ITGA2: variants seen among roughly 807,000 people sequenced by gnomAD.
ITGA2 encodes integrin subunit alpha 2, also known as integrin alpha-2.
A neutral mutation model predicts 146.3 loss-of-function variants in ITGA2; 101 were observed. The observed-to-expected ratio is 0.69, with a 90% CI of 0.59 to 0.81. ITGA2 has a LOEUF of 0.81. Ranked by LOEUF, ITGA2 falls within the 40% of genes least tolerant of loss-of-function variation. ITGA2 has a pLI of 0.00. For synonymous variants in ITGA2, 477 were observed against 487.1 expected (o/e 0.98, Z 0.27); for missense variants, 1,281 against 1,402.7 (o/e 0.91, Z 1.39).
intron 6 of ITGA2, 101 bp from the exon 7 acceptor site, chr5:53,051,310 G>A (rs988699158): frequency 6.5e-6 from 8 of 1,223,870 alleles, no homozygotes; most frequent in African/African-American, 3.0e-5. Context: ...TAAAGCTACC[G>A]GCCCATGTCT....
chr5:53,071,972 G>T lies in ITGA2; in HGVS notation c.2270G>T (p.Arg757Leu). 4.3e-6 allele frequency: 7 copies of T among 1,612,336 alleles called. No individual in the cohort carries two copies. The highest frequency in any genetic ancestry group is 5.9e-6 in the Non-Finnish European group (7 of 1,178,912). Residue 757 changes from arginine (R) to leucine (L), a missense_variant, in exon 18 of 30, where the codon CGT becomes CTT. By Grantham distance (102) the Arg-to-Leu change is moderately radical. Around this residue, in one of 3 missense-constraint regions of ITGA2, gnomAD observed 475 missense variants for 530.5 expected, o/e 0.90. Coordinates refer to ENST00000296585, the MANE Select transcript of ITGA2 (RefSeq NM_002203.4). ...PSDVVNSLDLRVDISLENPGT... is the reference protein window; with the variant it reads ...PSDVVNSLDLLVDISLENPGT... ...GATGTTGTCAACTCTTTGGATTTGC[G>T]TGTGGACATCAGTCTGGAAAACCCT...
At chr5:53,036,476 CT>C (rs1406857268) in intron 2 of ITGA2, among the ~76,000 whole-genome samples, 1 of 152,200 alleles carries the variant, frequency 6.6e-6, no homozygotes, top group Non-Finnish European at 1.5e-5. Context: ...AGCCACAGGG[CT>C]TTTGCATTTG....
intron 17 of ITGA2, 90 bp downstream of exon 17, chr5:53,070,350 A>G (rs1472006001): frequency 7.9e-7 from 1 of 1,265,418 alleles, no homozygotes; most frequent in Non-Finnish European, 1.2e-6. Context: ...ATGAGTTAGA[A>G]AATGCTCACC....
At chr5:53,057,952 G>A (rs1043979510) in intron 9 of ITGA2, 73 bp from the exon 10 acceptor site, 26 of 1,043,738 alleles carry the variant, frequency 2.5e-5, no homozygotes, top group South Asian at 7.6e-5. Flanking sequence ...GTGTACATAC[G>A]TGCCTGCTTG....
Position 53,093,900 on chromosome 5 carries a change from A to T in ITGA2, c.*3301A>T, listed in dbSNP as rs539623752. The T allele has an allele frequency of 2.6e-4, 39 of 152,784 alleles. No individual in the cohort carries two copies. Among genetic ancestry groups the T allele is most frequent in the African/African-American group, 9.1e-4 (38 of 41,600 alleles). 9.5% of individuals were successfully genotyped at this position (152,784 alleles called of 1,614,324 possible). A position where few individuals can be genotyped will look rare whatever the true frequency, so the allele number is the denominator to read the frequency against. The stretch of plus-strand genomic sequence containing the variant: ...GCATGACTCATTTCAGCAGCAAAAT[A>T]AGAACTCCTAACTGAACAGAAATTT... On this transcript the variant is annotated 3_prime_UTR_variant, in exon 30 of 30. Transcript: ENST00000296585.
In ITGA2 at chr5:52,989,371, C is replaced by A; in HGVS notation, c.-98C>A. ...CGGGGGAGAGAAGCCCTCTGGACAG[C>A]TTCTAGAGTGTGCAGGTTCTCGTAT... On this transcript the variant is annotated 5_prime_UTR_variant, in exon 1 of 30. Transcript: ENST00000296585. The A allele has an allele frequency of 7.8e-7, 1 of 1,285,900 alleles. No individual in the cohort carries two copies. The allele number at this position is 1,285,900 out of a possible 1,614,324, so 79.7% of individuals were successfully genotyped here. A position where few individuals can be genotyped will look rare whatever the true frequency, so the allele number is the denominator to read the frequency against.
At position 53,062,944 on chromosome 5, in the gene ITGA2, ATAAAC is replaced by A. The variant is rs1744967418; in HGVS notation, c.1602+19_1602+23del. 1 of 1,574,592 alleles carries A rather than the reference ATAAAC, an allele frequency of 6.4e-7. No individual in the cohort carries two copies. Among genetic ancestry groups the A allele is most frequent in the Non-Finnish European group, 8.7e-7 (1 of 1,148,562 alleles). Reference sequence around the variant, plus strand: ...CTATCAAAGAGGTAAAAAAAAAAAAATAAACTAATAGTTTAATTTGCTTTAGTACT... The same window carrying A: ...CTATCAAAGAGGTAAAAAAAAAAAAATAATAGTTTAATTTGCTTTAGTACT... On this transcript the variant is annotated intron_variant, in intron 13 of 29. Coordinates refer to ENST00000296585, the MANE Select transcript of ITGA2 (RefSeq NM_002203.4).
At chr5:53,079,694 T>TTTATAAAA in intron 24 of ITGA2, among the ~76,000 whole-genome samples, 1 of 152,150 alleles carries the variant, frequency 6.6e-6, no homozygotes, top group Non-Finnish European at 1.5e-5. Flanking sequence ...TACAATAGAA[T>TTTATAAAA]TTATAAAATG....
chr5:53,056,670 G>T (rs1744648943), intron 9 of ITGA2, among the ~76,000 whole-genome samples: 1 of 151,932 alleles, frequency 6.6e-6, no homozygotes, highest in Non-Finnish European at 1.5e-5. Flanking sequence ...ATACAGCAAA[G>T]ATTTTTAATA....
chr5:53,023,776 G>A (rs1742802144), intron 1 of ITGA2, among the ~76,000 whole-genome samples: 1 of 152,176 alleles, frequency 6.6e-6, no homozygotes, highest in African/African-American at 2.4e-5. Context: ...GGATTGCAAA[G>A]AAGAAATACA....
chr5:53,006,820 CT>C (rs1364960585), intron 1 of ITGA2, among the ~76,000 whole-genome samples: 19 of 152,150 alleles, frequency 1.2e-4, no homozygotes, highest in Non-Finnish European at 1.6e-4. Context: ...AGGTCACCGT[CT>C]CTTTTCTATC....
chr5:53,014,181 T>G lies in ITGA2; in HGVS notation c.65-12567T>G, dbSNP rs535866345. Among the ~76,000 whole-genome samples the G allele has an allele frequency of 5.3e-5, 8 of 152,288 alleles. No homozygotes were observed. The South Asian group carries it at 1.7e-3, about 32-fold the overall frequency. ...GTCAGCATCCTCGTCTTGTTCTGGT[T>G]CTCTAAGGGAATGCTTCCCACTTTT... On this transcript the variant is annotated intron_variant, in intron 1 of 29. Coordinates refer to ENST00000296585, the MANE Select transcript of ITGA2 (RefSeq NM_002203.4).
Position 53,092,690 on chromosome 5 carries a change from G to A in ITGA2, c.*2091G>A, listed in dbSNP as rs1740487486. The A allele has an allele frequency of 6.6e-6, 1 of 152,026 alleles. No homozygotes were observed. Among genetic ancestry groups the A allele is most frequent in the African/African-American group, 2.4e-5 (1 of 41,390 alleles). 9.4% of individuals were successfully genotyped at this position (152,026 alleles called of 1,614,324 possible). The stretch of plus-strand genomic sequence containing the variant: ...TGATAAAGAATATTTAACAGCTAGT[G>A]GTGCTGGTGTGTACCTGAAGCTCCA... On this transcript the variant is annotated 3_prime_UTR_variant, in exon 30 of 30. Coordinates refer to ENST00000296585, the MANE Select transcript of ITGA2 (RefSeq NM_002203.4).
chr5:53,034,804 G>T (rs1033610254), intron 2 of ITGA2, among the ~76,000 whole-genome samples: 2 of 152,144 alleles, frequency 1.3e-5, no homozygotes, highest in African/African-American at 2.4e-5. Flanking sequence ...AGTGGCACAA[G>T]TGGCAACTAT....
intron 1 of ITGA2, among the ~76,000 whole-genome samples, chr5:53,008,495 G>T (rs921451866): frequency 2.0e-5 from 3 of 151,776 alleles, no homozygotes; most frequent in African/African-American, 4.8e-5. Flanking sequence ...GGTTTAAGGG[G>T]TTTATTTCTG....
At chr5:53,025,392 A>G (rs1228309038) in intron 1 of ITGA2, among the ~76,000 whole-genome samples, 1 of 152,238 alleles carries the variant, frequency 6.6e-6, no homozygotes, top group African/African-American at 2.4e-5. Flanking sequence ...GCTATAGAGT[A>G]TTTCAGAATG....
chr5:53,000,801 A>G (rs1415157518), intron 1 of ITGA2, among the ~76,000 whole-genome samples: 4 of 151,610 alleles, frequency 2.6e-5, no homozygotes, highest in Non-Finnish European at 5.9e-5. Flanking sequence ...TATCTTAGCT[A>G]GACGTTATAT....
intron 2 of ITGA2, among the ~76,000 whole-genome samples, chr5:53,032,835 G>A (rs1004845434): frequency 2.6e-5 from 4 of 152,038 alleles, no homozygotes; most frequent in Admixed American, 6.6e-5. Flanking sequence ...CTCAGGAGCC[G>A]GAGCACAAGG....
At chr5:53,037,212 C>T (rs1743531329) in intron 2 of ITGA2, among the ~76,000 whole-genome samples, 1 of 152,188 alleles carries the variant, frequency 6.6e-6, no homozygotes, top group Admixed American at 6.5e-5. Flanking sequence ...TCTACATAAT[C>T]ACTATTTTCC....
Sources: gnomAD v4.1 joint callset for allele counts (sites outside exome capture counted in the v4.1 genomes callset) on GRCh38, gnomAD v4.1.1 for gene constraint, gnomAD v4.1.1 regional missense constraint, MANE v1.5 for transcripts, NCBI Gene and HGNC (gene_info 2026-07-23, HGNC 2026-07-21) for gene names.